The following LHX8 variants were observed in gnomAD, a reference collection of about 807,000 sequenced individuals.
LHX8 encodes LIM/homeobox protein Lhx8.
In LHX8, 12 loss-of-function variants were observed where a neutral mutation model predicts 40.3. The observed-to-expected ratio is 0.30, with a 90% CI of 0.19 to 0.48. LHX8 has a LOEUF of 0.48. Among genes scored for constraint, LHX8 ranks in the 20% least tolerant of loss-of-function variants. The pLI is 0.99. For missense variants in LHX8, 344 were observed against 433.7 expected (o/e 0.79, Z 1.84); for synonymous variants, 179 against 162.0 (o/e 1.10, Z -0.80).
the LHX8 span, among the ~76,000 whole-genome samples, chr1:75,187,005 T>C: frequency 6.6e-6 from 1 of 152,198 alleles, no homozygotes; most frequent in Non-Finnish European, 1.5e-5. Context: ...GGTATCTTGC[T>C]CAGAATAGAC....
At chr1:75,157,476 G>A (rs1648801714) in intron 8 of LHX8, among the ~76,000 whole-genome samples, 1 of 152,168 alleles carries the variant, frequency 6.6e-6, no homozygotes, top group South Asian at 2.1e-4. Flanking sequence ...CATACATTTA[G>A]AAGAGTGCAT....
chr1:75,198,102 G>A, the LHX8 span, among the ~76,000 whole-genome samples: 2 of 152,174 alleles, frequency 1.3e-5, no homozygotes, highest in African/African-American at 4.8e-5. Flanking sequence ...TCTCAGTGAA[G>A]TTCCTCTTGG....
At chr1:75,174,073 T>G in the LHX8 span, among the ~76,000 whole-genome samples, 1 of 152,170 alleles carries the variant, frequency 6.6e-6, no homozygotes, top group African/African-American at 2.4e-5. Context: ...CCAAGCATTT[T>G]GGATAAGGGA....
downstream of LHX8, among the ~76,000 whole-genome samples, chr1:75,164,563 A>C (rs1648992587): frequency 6.6e-6 from 1 of 152,146 alleles, no homozygotes. Flanking sequence ...ACTAAATTAC[A>C]TCTCCACCAG....
the LHX8 span, among the ~76,000 whole-genome samples, chr1:75,180,333 AACATAGGTTTGTTCTTTTC>A: frequency 6.6e-6 from 1 of 152,060 alleles, no homozygotes; most frequent in Non-Finnish European, 1.5e-5. Context: ...ACACCAATCA[AACATAGGTTTGTTCTTTTC>A]ACATAGTCCC....
the LHX8 span, among the ~76,000 whole-genome samples, chr1:75,169,696 C>G: frequency 3.9e-5 from 6 of 152,160 alleles, no homozygotes; most frequent in East Asian, 1.2e-3. Flanking sequence ...TGTTGATTTC[C>G]CCTGCATACT....
rs540883617 is a variant in LHX8 at position 75,139,128 on chromosome 1, A to G, written c.238-1857A>G. 1.1e-4 allele frequency among the ~76,000 whole-genome samples: 17 copies of G among 152,314 alleles called. No individual in the cohort carries two copies. In the South Asian group the frequency reaches 3.5e-3, roughly 32 times the overall value. ...ATAGAAAAACACTATCTTGTGAGGCAAATAAAATGGAGTTAGAAAAGTATG... is the reference window on the plus strand; with the variant it reads ...ATAGAAAAACACTATCTTGTGAGGCGAATAAAATGGAGTTAGAAAAGTATG... On this transcript the variant is annotated intron_variant, in intron 3 of 8. Coordinates refer to ENST00000356261, the MANE Select transcript of LHX8 (RefSeq NM_001256114.2).
chr1:75,181,934 C>G, the LHX8 span, among the ~76,000 whole-genome samples: 1 of 152,122 alleles, frequency 6.6e-6, no homozygotes, highest in South Asian at 2.1e-4. Context: ...AAAATTTTCT[C>G]CCATTCTGTG....
At chr1:75,173,196 G>T in the LHX8 span, among the ~76,000 whole-genome samples, 1 of 151,926 alleles carries the variant, frequency 6.6e-6, no homozygotes, top group Non-Finnish European at 1.5e-5. Context: ...CTTGGTATGT[G>T]TCAGGCACTG....
chr1:75,193,791 G>A, the LHX8 span, among the ~76,000 whole-genome samples: 5 of 152,216 alleles, frequency 3.3e-5, no homozygotes, highest in Non-Finnish European at 7.3e-5. Context: ...TTTGCTTGAA[G>A]TGCCATCTTC....
intron 4 of LHX8, among the ~76,000 whole-genome samples, chr1:75,142,066 A>G (rs901457000): frequency 2.0e-5 from 3 of 152,140 alleles, no homozygotes; most frequent in African/African-American, 7.2e-5. Context: ...TCATTACTTC[A>G]ATATTGGTAA....
Position 75,136,731 on chromosome 1 carries a change from G to C in LHX8, c.75+42G>C, listed in dbSNP as rs1457844798. On this transcript the variant is annotated intron_variant, in intron 2 of 8. Transcript: ENST00000356261. ...TCGCGTGCTGGCAAGACTGGCCGTG[G>C]GGAGGCGGCGCAGGACGAAGGGCCG... 4.7e-6 allele frequency: 7 copies of C among 1,491,240 alleles called. No individual in the cohort carries two copies. In the Admixed American group the frequency reaches 7.9e-5, roughly 17 times the overall value. 92.4% of individuals were successfully genotyped at this position (1,491,240 alleles called of 1,614,324 possible). A position where few individuals can be genotyped will look rare whatever the true frequency, so the allele number is the denominator to read the frequency against.
At chr1:75,178,438 A>G in the LHX8 span, among the ~76,000 whole-genome samples, 2 of 151,880 alleles carry the variant, frequency 1.3e-5, no homozygotes, top group African/African-American at 4.8e-5. Context: ...CATTTTTTCT[A>G]GATTTTCTAG....
the LHX8 span, among the ~76,000 whole-genome samples, chr1:75,185,766 C>A: frequency 4.6e-5 from 7 of 152,068 alleles, no homozygotes; most frequent in Non-Finnish European, 1.0e-4. Context: ...TTCCTGTTTG[C>A]AAACGACATA....
At chr1:75,199,087 G>GT in the LHX8 span, among the ~76,000 whole-genome samples, 5 of 152,322 alleles carry the variant, frequency 3.3e-5, 1 homozygote, top group South Asian at 1.0e-3. Flanking sequence ...CTTCAACGCT[G>GT]TTTATCAGAG....
At chr1:75,146,092 ATTTAT>A (rs927268231) in intron 6 of LHX8, among the ~76,000 whole-genome samples, 5 of 152,018 alleles carry the variant, frequency 3.3e-5, no homozygotes, top group African/African-American at 1.2e-4. Context: ...AAACTGAATC[ATTTAT>A]TTTAGCCAGA....
At chr1:75,185,928 A>G in the LHX8 span, among the ~76,000 whole-genome samples, 1 of 152,176 alleles carries the variant, frequency 6.6e-6, no homozygotes, top group African/African-American at 2.4e-5. Flanking sequence ...CAAATGAAGA[A>G]TGCAATCCTA....
At chr1:75,176,816 G>A in the LHX8 span, among the ~76,000 whole-genome samples, 32 of 152,156 alleles carry the variant, frequency 2.1e-4, no homozygotes, top group East Asian at 3.9e-3. Context: ...GGTCTAAAAT[G>A]TAAGTCTTTA....
At chr1:75,145,376 G>C (rs952362858) in intron 6 of LHX8, among the ~76,000 whole-genome samples, 1 of 151,880 alleles carries the variant, frequency 6.6e-6, no homozygotes, top group African/African-American at 2.4e-5. Context: ...ATAATTACAA[G>C]GTTGATAACT....
Sources: gnomAD v4.1 joint callset for allele counts (sites outside exome capture counted in the v4.1 genomes callset) on GRCh38, gnomAD v4.1.1 for gene constraint, MANE v1.5 for transcripts, NCBI Gene and HGNC (gene_info 2026-07-23, HGNC 2026-07-21) for gene names.